Variants in FSTL4 observed in about 807,000 individuals in gnomAD.
FSTL4 encodes the protein follistatin like 4.
A neutral mutation model predicts 78.2 loss-of-function variants in FSTL4; 28 were observed. That is an observed-to-expected ratio of 0.36 (90% confidence interval 0.27 to 0.49). The LOEUF (loss-of-function observed/expected upper bound fraction) is 0.49. Ranked by LOEUF, FSTL4 falls within the 20% of genes least tolerant of loss-of-function variation. FSTL4 has a pLI of 0.98. For missense variants in FSTL4, 922 were observed against 1,084.9 expected (o/e 0.85, Z 2.11); for synonymous variants, 422 against 440.5 (o/e 0.96, Z 0.53).
Position 133,253,255 on chromosome 5 carries a change from A to C in FSTL4, c.728-3679T>G, listed in dbSNP as rs536463615. On this transcript the variant is annotated intron_variant, in intron 6 of 15. Coordinates refer to ENST00000265342, the MANE Select transcript of FSTL4 (RefSeq NM_015082.2). ...TAGGACTAAGTGGCTTCCCAGGGTG[A>C]CTTCCAGGGAGAGTAAAAAATGAGA... Among the ~76,000 whole-genome samples the C allele has an allele frequency of 5.9e-5, 9 of 152,188 alleles. No individual in the cohort carries two copies. The East Asian group carries it at 1.7e-3, about 29-fold the overall frequency.
At chr5:133,840,004 G>T in the FSTL4 span, among the ~76,000 whole-genome samples, 1 of 152,194 alleles carries the variant, frequency 6.6e-6, no homozygotes, top group African/African-American at 2.4e-5. Flanking sequence ...GGGCTGCAGG[G>T]GTGAGAGGTG....
At chr5:133,502,501 A>G (rs1286395971) in intron 3 of FSTL4, among the ~76,000 whole-genome samples, 3 of 152,126 alleles carry the variant, frequency 2.0e-5, no homozygotes, top group Non-Finnish European at 4.4e-5. Context: ...TGCAATCCCC[A>G]GTGTTGGAGG....
intron 3 of FSTL4, among the ~76,000 whole-genome samples, chr5:133,438,506 G>C (rs968246030): frequency 3.3e-5 from 5 of 152,236 alleles, no homozygotes; most frequent in African/African-American, 1.2e-4. Context: ...CTGAATTTAG[G>C]GACACATGTA....
At chr5:133,398,507 A>G (rs1756130902) in intron 4 of FSTL4, among the ~76,000 whole-genome samples, 1 of 151,806 alleles carries the variant, frequency 6.6e-6, no homozygotes, top group Non-Finnish European at 1.5e-5. Context: ...CCCAGACAGA[A>G]CCCTTGCTCC....
intron 3 of FSTL4, among the ~76,000 whole-genome samples, chr5:133,459,932 A>G (rs11951280): frequency 0.059 from 9,007 of 152,238 alleles, 271 homozygotes; most frequent in South Asian, 0.14. Context: ...CCTTTGAGGT[A>G]GGAAAATAGG....
At chr5:133,687,095 C>G in the FSTL4 span, among the ~76,000 whole-genome samples, 2,973 of 152,184 alleles carry the variant, frequency 0.02, 102 homozygotes, top group African/African-American at 0.068. Flanking sequence ...CACAGTGGGA[C>G]GAGCCTGTGG....
At chr5:133,693,248 TA>T in the FSTL4 span, among the ~76,000 whole-genome samples, 1 of 152,126 alleles carries the variant, frequency 6.6e-6, no homozygotes, top group Admixed American at 6.5e-5. Flanking sequence ...CATTTAAAAA[TA>T]AGAAAACTTT....
intron 2 of FSTL4, among the ~76,000 whole-genome samples, chr5:133,568,203 C>T (rs1308546885): frequency 6.6e-6 from 1 of 152,028 alleles, no homozygotes; most frequent in African/African-American, 2.4e-5. Flanking sequence ...ATTGCAGTTT[C>T]ATAACTAATA....
intron 3 of FSTL4, among the ~76,000 whole-genome samples, chr5:133,449,831 T>TA (rs1376091457): frequency 6.6e-6 from 1 of 152,082 alleles, no homozygotes; most frequent in Non-Finnish European, 1.5e-5. Context: ...GGAAATTTTT[T>TA]AAAAAAATGA....
intron 3 of FSTL4, among the ~76,000 whole-genome samples, 192 bp from the exon 4 acceptor site, chr5:133,401,178 G>A (rs1170413894): frequency 6.6e-6 from 1 of 152,092 alleles, no homozygotes; most frequent in Non-Finnish European, 1.5e-5. Flanking sequence ...TGCCAAGAAG[G>A]GTGTCCTGCC....
intron 13 of FSTL4, among the ~76,000 whole-genome samples, chr5:133,216,789 C>T (rs1035106620): frequency 5.9e-5 from 9 of 152,230 alleles, no homozygotes; most frequent in Non-Finnish European, 1.3e-4. Flanking sequence ...GACTGGCCTC[C>T]GAGGCCCTGT....
At chr5:133,493,891 C>T (rs529214514) in intron 3 of FSTL4, among the ~76,000 whole-genome samples, 1 of 152,198 alleles carries the variant, frequency 6.6e-6, no homozygotes, top group Non-Finnish European at 1.5e-5. Context: ...GGATATTGAA[C>T]CTTCTAGCCC....
intron 14 of FSTL4, among the ~76,000 whole-genome samples, chr5:133,206,697 A>G (rs1293956971): frequency 6.6e-6 from 1 of 152,166 alleles, no homozygotes; most frequent in Non-Finnish European, 1.5e-5. Flanking sequence ...TGTATCTGGA[A>G]TAAAATTCCC....
At chr5:133,231,525 T>C (rs558216467) in intron 8 of FSTL4, among the ~76,000 whole-genome samples, 2 of 152,314 alleles carry the variant, frequency 1.3e-5, no homozygotes, top group South Asian at 2.1e-4. Flanking sequence ...GAAATTAATA[T>C]ATCCTAGGCA....
At chr5:133,265,010 C>T (rs1457628904) in intron 6 of FSTL4, among the ~76,000 whole-genome samples, 1 of 152,210 alleles carries the variant, frequency 6.6e-6, no homozygotes, top group African/African-American at 2.4e-5. Flanking sequence ...AGGCACCCTC[C>T]CACTCCTCTG....
At chr5:133,575,327 C>G (rs1212182630) in intron 2 of FSTL4, 1 of 152,184 alleles carries the variant, frequency 6.6e-6, no homozygotes, top group Non-Finnish European at 1.5e-5. Context: ...AGAGTGGGGG[C>G]CAGCTGTGCC....
intron 4 of FSTL4, among the ~76,000 whole-genome samples, chr5:133,391,785 G>C (rs546406200): frequency 1.3e-5 from 2 of 151,924 alleles, no homozygotes; most frequent in Non-Finnish European, 2.9e-5. Flanking sequence ...CTAACCCCCC[G>C]GCCTGCTGCA....
intron 3 of FSTL4, among the ~76,000 whole-genome samples, chr5:133,491,254 G>T (rs764688668): frequency 4.6e-5 from 7 of 152,130 alleles, no homozygotes; most frequent in Non-Finnish European, 1.0e-4. Context: ...CATTATGTCT[G>T]TTTAGGAGCT....
intron 12 of FSTL4, among the ~76,000 whole-genome samples, chr5:133,219,051 C>T (rs1581536676): frequency 6.6e-6 from 1 of 152,158 alleles, no homozygotes; most frequent in African/African-American, 2.4e-5. Flanking sequence ...GTTTTCCTTG[C>T]GATTGTGGCC....
Sources: allele counts gnomAD v4.1 joint callset (sites outside exome capture counted in the v4.1 genomes callset), GRCh38; gene constraint gnomAD v4.1.1; transcripts MANE v1.5; gene names NCBI Gene and HGNC (gene_info 2026-07-23, HGNC 2026-07-21).